The following COL9A1 variants were observed in gnomAD, a reference collection of about 807,000 sequenced individuals.
The protein encoded by COL9A1 is collagen type IX alpha 1 chain.
A neutral mutation model predicts 142.6 loss-of-function variants in COL9A1; 104 were observed. The observed-to-expected ratio is 0.73, with a 90% CI of 0.62 to 0.86. COL9A1 has a LOEUF of 0.86. Among genes scored for constraint, COL9A1 ranks in the 40% least tolerant of loss-of-function variants. The pLI is 0.00. For missense variants in COL9A1, 1,210 were observed against 1,176.6 expected (o/e 1.03, Z -0.42); for synonymous variants, 466 against 396.0 (o/e 1.18, Z -2.10).
At chr6:70,275,336 C>T (rs946544635) in intron 10 of COL9A1, among the ~76,000 whole-genome samples, 3 of 152,056 alleles carry the variant, frequency 2.0e-5, no homozygotes, top group Non-Finnish European at 4.4e-5. Context: ...ATGACAATTG[C>T]TTATCAAAGA....
At chr6:70,284,449 G>T (rs1055391663) in intron 5 of COL9A1, among the ~76,000 whole-genome samples, 1 of 152,122 alleles carries the variant, frequency 6.6e-6, no homozygotes, top group African/African-American at 2.4e-5. Context: ...AGGAGAAAAA[G>T]ATATAAAATA....
chr6:70,221,098 G>T (rs907305999), intron 37 of COL9A1, among the ~76,000 whole-genome samples: 6 of 148,252 alleles, frequency 4.0e-5, no homozygotes, highest in Non-Finnish European at 7.5e-5. Flanking sequence ...ATTGCTAAAC[G>T]TTTTTTTTTT....
intron 36 of COL9A1, among the ~76,000 whole-genome samples, chr6:70,229,346 C>CA (rs1173254855): frequency 1.3e-5 from 2 of 151,922 alleles, no homozygotes; most frequent in African/African-American, 2.4e-5. Flanking sequence ...CCTCCTCAGT[C>CA]AAAAAATATG....
At chr6:70,226,541 A>T (rs926455105) in intron 36 of COL9A1, among the ~76,000 whole-genome samples, 1 of 152,112 alleles carries the variant, frequency 6.6e-6, no homozygotes, top group Non-Finnish European at 1.5e-5. Context: ...CTAGCAGGGT[A>T]CAAAATTAAT....
intron 32 of COL9A1, among the ~76,000 whole-genome samples, chr6:70,240,404 T>C (rs1770171625): frequency 6.6e-6 from 1 of 152,124 alleles, no homozygotes. Flanking sequence ...TCACCATCTG[T>C]AAGAGTACAA....
At chr6:70,225,814 G>C in intron 37 of COL9A1, 118 bp downstream of exon 37, 2 of 801,548 alleles carry the variant, frequency 2.5e-6, no homozygotes, top group Non-Finnish European at 4.3e-6. Context: ...TAGCCATTCT[G>C]AATAATTAAT....
intron 10 of COL9A1, chr6:70,280,281 C>T (rs1773061867): frequency 2.4e-6 from 3 of 1,236,444 alleles, no homozygotes; most frequent in Admixed American, 3.7e-5. Flanking sequence ...ATTCCCCGCA[C>T]ATCCCCACTC....
chr6:70,283,227 T>G, intron 6 of COL9A1: 1 of 1,456,708 alleles, frequency 6.9e-7, no homozygotes, highest in Non-Finnish European at 9.0e-7. Flanking sequence ...TGTTTATGAA[T>G]GGCCCCGGAG....
At chr6:70,239,625 T>C (rs1157953413) in intron 32 of COL9A1, among the ~76,000 whole-genome samples, 1 of 152,250 alleles carries the variant, frequency 6.6e-6, no homozygotes. Flanking sequence ...TAGCATTATC[T>C]TATAAAACAC....
rs186899292 is a variant in COL9A1, at chr6:70,257,431, T to C, written c.1450-610A>G. On this transcript the variant is annotated intron_variant, in intron 20 of 37. Transcript: ENST00000357250. ...CATGAGCTAAAAACACAGGTGCTTATTAATAGATTGGTAAATCTATTAGAA... is the reference window on the plus strand; with the variant it reads ...CATGAGCTAAAAACACAGGTGCTTACTAATAGATTGGTAAATCTATTAGAA... 3.9e-5 allele frequency among the ~76,000 whole-genome samples: 6 copies of C among 152,314 alleles called. No individual in the cohort carries two copies. The South Asian group carries it at 1.2e-3, about 32-fold the overall frequency.
At chr6:70,228,077 G>C (rs1032547664) in intron 36 of COL9A1, among the ~76,000 whole-genome samples, 12 of 151,972 alleles carry the variant, frequency 7.9e-5, no homozygotes, top group Admixed American at 3.3e-4. Context: ...TTTATACATT[G>C]TTAATTTTTG....
chr6:70,259,473 T>C lies in COL9A1; in HGVS notation c.1449+1184A>G, dbSNP rs1056004779. On this transcript the variant is annotated intron_variant, in intron 20 of 37. Transcript: ENST00000357250. ...CTGATAGAGAGGCTAAACACACCCC[T>C]ACACACCCTACACACACGCCAAGGA... Among the ~76,000 whole-genome samples, 3 of 152,068 alleles carry C rather than the reference T, an allele frequency of 2.0e-5. No homozygotes were observed. In the East Asian group the frequency reaches 5.8e-4, roughly 29 times the overall value.
Position 70,269,685 on chromosome 6 carries a change from A to C in COL9A1, c.1198-20T>G. The C allele has an allele frequency of 6.6e-7, 1 of 1,514,644 alleles. No homozygotes were observed. Among genetic ancestry groups the C allele is most frequent in the Non-Finnish European group, 9.2e-7 (1 of 1,089,556 alleles). The allele number at this position is 1,514,644 out of a possible 1,614,324, so 93.8% of individuals were successfully genotyped here. Reference sequence around the variant, plus strand: ...TGTTCCCTAAAGTAAACAAAATATTAAGGTTCAGAATACAATTAAATAATG... The same window carrying C: ...TGTTCCCTAAAGTAAACAAAATATTCAGGTTCAGAATACAATTAAATAATG... On this transcript the variant is annotated intron_variant, in intron 15 of 37. Coordinates refer to ENST00000357250, the MANE Select transcript of COL9A1 (RefSeq NM_001851.6).
At chr6:70,254,224 A>G (rs915585422) in intron 25 of COL9A1, among the ~76,000 whole-genome samples, 2 of 152,240 alleles carry the variant, frequency 1.3e-5, no homozygotes, top group Non-Finnish European at 2.9e-5. Flanking sequence ...GTAAAAAAAG[A>G]CTGAGTAAAC....
At chr6:70,294,650 A>G (rs781082281) in intron 4 of COL9A1, 87 bp from the exon 5 acceptor site, 210 of 1,256,376 alleles carry the variant, frequency 1.7e-4, no homozygotes, top group Non-Finnish European at 2.2e-4. Context: ...GCCATTTTAG[A>G]TGCCAGACCT....
chr6:70,234,668 G>A, intron 34 of COL9A1, 75 bp from the exon 35 acceptor site: 1 of 1,604,046 alleles, frequency 6.2e-7, no homozygotes, highest in African/African-American at 1.3e-5. Context: ...TAAACTGACA[G>A]ACTCTGCAAG....
At chr6:70,259,465 C>A (rs905525910) in intron 20 of COL9A1, among the ~76,000 whole-genome samples, 4 of 151,936 alleles carry the variant, frequency 2.6e-5, no homozygotes, top group Non-Finnish European at 5.9e-5. Flanking sequence ...AGAGGCTAAA[C>A]ACACCCCTAC....
intron 29 of COL9A1, among the ~76,000 whole-genome samples, chr6:70,242,334 C>T (rs988849347): frequency 6.6e-6 from 1 of 152,136 alleles, no homozygotes; most frequent in African/African-American, 2.4e-5. Flanking sequence ...CGCTGCTGCT[C>T]CTCTAGCTAT....
intron 10 of COL9A1, among the ~76,000 whole-genome samples, chr6:70,277,894 C>A (rs897657531): frequency 6.6e-6 from 1 of 152,176 alleles, no homozygotes; most frequent in South Asian, 2.1e-4. Context: ...GTTCACCTAC[C>A]AAGAAAGGAC....
Sources: allele counts gnomAD v4.1 joint callset (sites outside exome capture counted in the v4.1 genomes callset), GRCh38; gene constraint gnomAD v4.1.1; transcripts MANE v1.5; gene names NCBI Gene and HGNC (gene_info 2026-07-23, HGNC 2026-07-21).